ABLIM1: variants seen among roughly 807,000 people sequenced by gnomAD.
ABLIM1 encodes the protein actin-binding LIM protein 1.
In ABLIM1, 40 loss-of-function variants were observed where a neutral mutation model predicts 107.0. That is an observed-to-expected ratio of 0.37 (90% confidence interval 0.29 to 0.49). The LOEUF (loss-of-function observed/expected upper bound fraction) is 0.49, where lower values mean the gene tolerates loss of function less well. Among genes scored for constraint, ABLIM1 ranks in the 20% least tolerant of loss-of-function variants. The pLI is 0.97. For synonymous variants in ABLIM1, 357 were observed against 357.3 expected (o/e 1.00, Z 0.01); for missense variants, 857 against 1,008.5 (o/e 0.85, Z 2.04).
chr10:114,507,371 T>C (rs1054865707), intron 6 of ABLIM1, among the ~76,000 whole-genome samples: 4 of 152,126 alleles, frequency 2.6e-5, no homozygotes, highest in African/African-American at 4.8e-5. Flanking sequence ...AACGAAGACA[T>C]ATGAAAGAAT....
At chr10:114,714,341 T>A (rs1173020682) in intron 1 of ABLIM1, among the ~76,000 whole-genome samples, 2 of 152,110 alleles carry the variant, frequency 1.3e-5, no homozygotes, top group African/African-American at 4.8e-5. Context: ...AGAGCACAGG[T>A]CTATGGACAT....
chr10:114,603,180 A>T (rs993900738), intron 1 of ABLIM1, among the ~76,000 whole-genome samples: 1 of 152,230 alleles, frequency 6.6e-6, no homozygotes, highest in Non-Finnish European at 1.5e-5. Flanking sequence ...ATGTGGGCAG[A>T]TATTGCTGAA....
At chr10:114,574,776 T>G (rs1000193270) in intron 3 of ABLIM1, among the ~76,000 whole-genome samples, 10 of 152,142 alleles carry the variant, frequency 6.6e-5, no homozygotes, top group Non-Finnish European at 1.3e-4. Flanking sequence ...GTTTGCACAG[T>G]TAAGATACAA....
chr10:114,438,254 T>C (rs762900375), intron 21 of ABLIM1, among the ~76,000 whole-genome samples: 6 of 152,158 alleles, frequency 3.9e-5, no homozygotes, highest in Non-Finnish European at 8.8e-5. Context: ...ACGTGTTTTT[T>C]GTTTTTGTTT....
At chr10:114,508,739 G>T (rs1401604506) in intron 6 of ABLIM1, among the ~76,000 whole-genome samples, 1 of 152,142 alleles carries the variant, frequency 6.6e-6, no homozygotes, top group Admixed American at 6.5e-5. Context: ...AAATGGGAAT[G>T]GTTTAGGACA....
chr10:114,573,996 T>G (rs1254206367), intron 3 of ABLIM1, among the ~76,000 whole-genome samples: 1 of 152,310 alleles, frequency 6.6e-6, no homozygotes, highest in South Asian at 2.1e-4. Flanking sequence ...AAAAATGAAA[T>G]AGAGAAATGA....
At chr10:114,795,750 T>C in the ABLIM1 span, among the ~76,000 whole-genome samples, 2 of 151,808 alleles carry the variant, frequency 1.3e-5, no homozygotes, top group East Asian at 3.9e-4. Flanking sequence ...GTTTTACCAC[T>C]CAGTGGTCGC....
chr10:114,628,225 C>T (rs753708416), intron 1 of ABLIM1, among the ~76,000 whole-genome samples: 9 of 152,216 alleles, frequency 5.9e-5, no homozygotes, highest in Admixed American at 5.9e-4. Flanking sequence ...TGTCTTAGCA[C>T]CCCACTGCTC....
chr10:114,469,257 T>C (rs1451838661), intron 10 of ABLIM1, among the ~76,000 whole-genome samples: 1 of 152,178 alleles, frequency 6.6e-6, no homozygotes, highest in East Asian at 1.9e-4. Context: ...CACCATAAAA[T>C]AGTTTGATAA....
chr10:114,558,902 A>AGTGTGTGTGTGTGTGTGTGT (rs377352513), intron 4 of ABLIM1, among the ~76,000 whole-genome samples: 2,617 of 148,620 alleles, frequency 0.018, 45 homozygotes, highest in African/African-American at 0.031. Context: ...AGGGAGAACT[A>AGTGTGTGTGTGTGTGTGTGT]GTGTGTGTGT....
Position 114,745,595 on chromosome 10 carries a change from C to G in ABLIM1, c.-213+22466G>C, listed in dbSNP as rs147415020. Among the ~76,000 whole-genome samples, 681 of 150,622 alleles carry G rather than the reference C, an allele frequency of 4.5e-3. 6 individuals are homozygous for G. The highest frequency in any genetic ancestry group is 0.016 in the African/African-American group (639 of 40,982). ...ATAAAATATTTCCTAATTGGCCGGG[C>G]ACAGTGGCTCATGCCATTAATCCCA... is the stretch of plus-strand genomic sequence containing the variant. On this transcript the variant is annotated intron_variant, in intron 1 of 15. Transcript: ENST00000651092.
intron 3 of ABLIM1, 73 bp from the exon 4 acceptor site, chr10:114,571,479 C>T: frequency 2.1e-6 from 3 of 1,451,238 alleles, no homozygotes; most frequent in Non-Finnish European, 2.9e-6. Context: ...CTTCTGCTTG[C>T]TGCCCTCCGG....
At chr10:114,798,583 A>T in the ABLIM1 span, among the ~76,000 whole-genome samples, 82,024 of 144,428 alleles carry the variant, frequency 0.57, 23,802 homozygotes, top group Non-Finnish European at 0.64. Context: ...ACAAAAATTT[A>T]AAAAAAAAAT....
chr10:114,607,742 T>C (rs1591556354), intron 1 of ABLIM1, among the ~76,000 whole-genome samples: 1 of 152,172 alleles, frequency 6.6e-6, no homozygotes, highest in East Asian at 1.9e-4. Context: ...TGACAAGTAC[T>C]CTTCAAAATT....
intron 11 of ABLIM1, among the ~76,000 whole-genome samples, chr10:114,467,141 AGAGT>A (rs1222063239): frequency 1.3e-5 from 2 of 152,206 alleles, no homozygotes; most frequent in East Asian, 3.8e-4. Context: ...CCTGGGCAAC[AGAGT>A]GAGACTCTGT....
At position 114,455,865 on chromosome 10, in the gene ABLIM1, T is replaced by C. The variant is rs1379345300; in HGVS notation, c.1442-2382A>G. Among the ~76,000 whole-genome samples the C allele has an allele frequency of 2.7e-5, 4 of 148,960 alleles. No homozygotes were observed. In the South Asian group the frequency reaches 6.4e-4, roughly 24 times the overall value. ...TCTCGCTCTGTCGCCCAGGCTGGAG[T>C]GCAGTGGCGCGATCTTGGCTCACTG... On this transcript the variant is annotated intron_variant, in intron 12 of 22. Coordinates refer to ENST00000533213, the MANE Select transcript of ABLIM1 (RefSeq NM_002313.7).
At chr10:114,468,405 G>A (rs1399093061) in intron 10 of ABLIM1, 189 bp from the exon 11 acceptor site, 134 of 493,834 alleles carry the variant, frequency 2.7e-4, no homozygotes, top group South Asian at 2.6e-3. Context: ...CTCCCAAGTA[G>A]CTGGGACTAC....
chr10:114,441,025 C>G lies in ABLIM1; in HGVS notation c.2051G>C (p.Gly684Ala). The G allele has an allele frequency of 6.3e-7, 1 of 1,588,886 alleles. No homozygotes were observed. The highest frequency in any genetic ancestry group is 8.6e-7 in the Non-Finnish European group (1 of 1,166,414). Residue 684 changes from glycine (G) to alanine (A), a missense_variant, in exon 19 of 23, where the codon GGA becomes GCA. This residue lies in a region of ABLIM1 where 193 missense variants were observed against 208.5 expected (regional missense o/e 0.93). Transcript: ENST00000533213. ...GGCCATGGGAGCCTCACCTCGCACTCCCCCGCTGACATCCCCATAGCTGTT... is the reference window on the plus strand; with the variant it reads ...GGCCATGGGAGCCTCACCTCGCACTGCCCCGCTGACATCCCCATAGCTGTT... ...QYNSYGDVSG[G>A]VRDYQTLPDG...
intron 1 of ABLIM1, among the ~76,000 whole-genome samples, chr10:114,666,936 G>A (rs1281771655): frequency 6.6e-6 from 1 of 152,116 alleles, no homozygotes; most frequent in Admixed American, 6.6e-5. Context: ...AGCCAGCCAG[G>A]TATTGCCAGA....
Sources: allele counts gnomAD v4.1 joint callset (sites outside exome capture counted in the v4.1 genomes callset), GRCh38; gene constraint gnomAD v4.1.1; regional missense constraint gnomAD v4.1.1; transcripts MANE v1.5; gene names NCBI Gene and HGNC (gene_info 2026-07-23, HGNC 2026-07-21).